UNC79: variants seen among roughly 807,000 people sequenced by gnomAD.
The protein encoded by UNC79 is unc-79 subunit of NALCN channel complex.
Under a neutral mutation model 283.1 loss-of-function variants are expected in UNC79, and 37 were observed. The observed-to-expected ratio is 0.13, with a 90% CI of 0.10 to 0.17. The LOEUF is 0.17. Ranked by LOEUF, UNC79 falls within the 10% of genes least tolerant of loss-of-function variation. The pLI, the probability that UNC79 is intolerant of heterozygous loss-of-function variation, is 1.00. For missense variants in UNC79, 2,272 were observed against 3,211.1 expected (o/e 0.71, Z 7.07); for synonymous variants, 1,107 against 1,200.2 (o/e 0.92, Z 1.61).
At chr14:93,522,574 A>G (rs1216412229) in intron 7 of UNC79, among the ~76,000 whole-genome samples, 1 of 151,644 alleles carries the variant, frequency 6.6e-6, no homozygotes, top group Non-Finnish European at 1.5e-5. Flanking sequence ...ACTTGTTACA[A>G]CTCTTTATAT....
At chr14:93,563,138 T>C (rs1463817959) in intron 14 of UNC79, among the ~76,000 whole-genome samples, 1 of 152,100 alleles carries the variant, frequency 6.6e-6, no homozygotes, top group Non-Finnish European at 1.5e-5. Flanking sequence ...TAAGAACCAT[T>C]TGCCTTGTGT....
intron 40 of UNC79, among the ~76,000 whole-genome samples, chr14:93,669,488 C>G (rs1020922874): frequency 6.6e-5 from 10 of 152,110 alleles, no homozygotes; most frequent in Non-Finnish European, 8.8e-5. Flanking sequence ...AATGGAGACC[C>G]TGATGCCATG....
intron 1 of UNC79, among the ~76,000 whole-genome samples, chr14:93,376,488 A>G (rs2054561740): frequency 6.6e-6 from 1 of 152,186 alleles, no homozygotes; most frequent in Non-Finnish European, 1.5e-5. Context: ...TCTATATCCT[A>G]TACACATATA....
At chr14:93,475,117 A>G (rs2057727923) in intron 3 of UNC79, among the ~76,000 whole-genome samples, 1 of 152,140 alleles carries the variant, frequency 6.6e-6, no homozygotes, top group Non-Finnish European at 1.5e-5. Context: ...AGCCAGTTTC[A>G]TTATCTTGGT....
chr14:93,501,151 C>A (rs967568276), intron 7 of UNC79, among the ~76,000 whole-genome samples: 1 of 151,858 alleles, frequency 6.6e-6, no homozygotes, highest in Admixed American at 6.6e-5. Flanking sequence ...GTGGTGAAAC[C>A]CTAGCTCTAC....
chr14:93,659,312 A>C, intron 39 of UNC79, 51 bp downstream of exon 42: 1 of 1,445,126 alleles, frequency 6.9e-7, no homozygotes, highest in South Asian at 1.2e-5. Flanking sequence ...GTTTTTTTTA[A>C]CCTAATGAGA....
At chr14:93,368,541 T>C (rs2054378894) in intron 1 of UNC79, among the ~76,000 whole-genome samples, 1 of 152,126 alleles carries the variant, frequency 6.6e-6, no homozygotes, top group Admixed American at 6.6e-5. Flanking sequence ...AGGATGATCT[T>C]GACGCACTGC....
intron 14 of UNC79, among the ~76,000 whole-genome samples, chr14:93,544,707 C>T (rs2061520693): frequency 6.6e-6 from 1 of 152,136 alleles, no homozygotes; most frequent in Admixed American, 6.6e-5. Context: ...AGAACAAGAG[C>T]ATAGAATGAG....
chr14:93,368,031 CT>C (rs2054369354), intron 1 of UNC79, among the ~76,000 whole-genome samples: 1 of 152,188 alleles, frequency 6.6e-6, no homozygotes, highest in Non-Finnish European at 1.5e-5. Flanking sequence ...ACTCCTTAAT[CT>C]TTGTTCCTAT....
chr14:93,586,275 A>G (rs994113547), intron 20 of UNC79, among the ~76,000 whole-genome samples: 2 of 152,232 alleles, frequency 1.3e-5, no homozygotes, highest in Non-Finnish European at 2.9e-5. Flanking sequence ...CAGAACTAAC[A>G]GAACTAGCAG....
chr14:93,338,980 G>A (rs1316952514), intron 1 of UNC79, among the ~76,000 whole-genome samples: 2 of 152,148 alleles, frequency 1.3e-5, no homozygotes, highest in Non-Finnish European at 2.9e-5. Flanking sequence ...TTGTAAATTG[G>A]GCAGACCCCT....
intron 47 of UNC79, among the ~76,000 whole-genome samples, chr14:93,698,667 G>A (rs1204322028): frequency 6.6e-6 from 1 of 151,694 alleles, no homozygotes; most frequent in Non-Finnish European, 1.5e-5. Flanking sequence ...TGTATTTTTA[G>A]TAGAGACGGG....
chr14:93,603,039 A>G (rs1344323997), intron 25 of UNC79, among the ~76,000 whole-genome samples, 200 bp from the exon 26 acceptor site: 1 of 152,178 alleles, frequency 6.6e-6, no homozygotes, highest in African/African-American at 2.4e-5. Context: ...AGATAATTTA[A>G]TCTTGTGGTC....
At chr14:93,467,884 A>G in intron 2 of UNC79, 93 bp downstream of exon 2, 5 of 1,364,370 alleles carry the variant, frequency 3.7e-6, no homozygotes, top group Middle Eastern at 1.9e-4. Flanking sequence ...TGCAAGTTTT[A>G]AAGGGCCTAT....
chr14:93,378,143 C>T (rs1405300194), intron 1 of UNC79, among the ~76,000 whole-genome samples: 2 of 152,166 alleles, frequency 1.3e-5, no homozygotes, highest in African/African-American at 4.8e-5. Flanking sequence ...CATGCTTAAG[C>T]TCTGGAGATA....
At chr14:93,707,206 A>C, downstream of UNC79, 1 of 293,314 alleles carries the variant, frequency 3.4e-6, no homozygotes, top group Non-Finnish European at 6.3e-6. Flanking sequence ...GTGGGTACTC[A>C]CAGAAAAGTT....
At chr14:93,381,063 C>A (rs2054655231) in intron 1 of UNC79, among the ~76,000 whole-genome samples, 1 of 152,120 alleles carries the variant, frequency 6.6e-6, no homozygotes, top group African/African-American at 2.4e-5. Flanking sequence ...TTTGTAAAAA[C>A]AAATACATGG....
intron 26 of UNC79, among the ~76,000 whole-genome samples, chr14:93,606,493 A>G (rs972623540): frequency 3.3e-5 from 5 of 152,248 alleles, no homozygotes; most frequent in African/African-American, 1.2e-4. Context: ...AAGCAAGGAC[A>G]TGCCAGATTT....
At chr14:93,419,645 A>G (rs972146452) in intron 1 of UNC79, among the ~76,000 whole-genome samples, 1 of 151,886 alleles carries the variant, frequency 6.6e-6, no homozygotes, top group Non-Finnish European at 1.5e-5. Flanking sequence ...TTACTTACGC[A>G]CACAGTGTTA....
Sources: gnomAD v4.1 joint callset for allele counts (sites outside exome capture counted in the v4.1 genomes callset) on GRCh38, gnomAD v4.1.1 for gene constraint, MANE v1.5 for transcripts, NCBI Gene and HGNC (gene_info 2026-07-23, HGNC 2026-07-21) for gene names.